XYLT1: variants seen among roughly 807,000 people sequenced by gnomAD.
XYLT1 encodes xylosyltransferase 1, also known as beta-D-xylosyltransferase 1.
XYLT1 carries 36 observed loss-of-function variants against 91.3 expected under a neutral mutation model. The observed-to-expected ratio is 0.39, with a 90% CI of 0.30 to 0.52. XYLT1 has a LOEUF of 0.52. Among genes scored for constraint, XYLT1 ranks in the 20% least tolerant of loss-of-function variants. XYLT1 has a pLI of 0.68. For synonymous variants in XYLT1, 588 were observed against 532.0 expected (o/e 1.11, Z -1.45); for missense variants, 1,242 against 1,284.5 (o/e 0.97, Z 0.51).
intron 2 of XYLT1, among the ~76,000 whole-genome samples, chr16:17,319,754 T>C (rs1206050485): frequency 6.6e-6 from 1 of 152,166 alleles, no homozygotes; most frequent in African/African-American, 2.4e-5. Flanking sequence ...GAACATCTCA[T>C]ATCAAGATAC....
intron 2 of XYLT1, among the ~76,000 whole-genome samples, chr16:17,322,909 G>A (rs1168179061): frequency 6.6e-6 from 1 of 152,198 alleles, no homozygotes; most frequent in Non-Finnish European, 1.5e-5. Flanking sequence ...CATGATGTTT[G>A]GCACAAAGGG....
chr16:17,234,317 C>T (rs1567334766), intron 3 of XYLT1, among the ~76,000 whole-genome samples: 1 of 152,178 alleles, frequency 6.6e-6, no homozygotes, highest in Non-Finnish European at 1.5e-5. Context: ...ATCATCCCTC[C>T]ATTTCAGCTC....
chr16:17,267,067 G>A (rs1243851805), intron 2 of XYLT1, among the ~76,000 whole-genome samples: 3 of 152,180 alleles, frequency 2.0e-5, no homozygotes, highest in African/African-American at 7.2e-5. Context: ...AAAGCCCTTT[G>A]CAATGTAGCA....
chr16:17,156,244 C>T (rs147022661), intron 6 of XYLT1, among the ~76,000 whole-genome samples: 111 of 152,362 alleles, frequency 7.3e-4, no homozygotes, highest in African/African-American at 2.5e-3. Context: ...GTTCCTAGCA[C>T]AGTGCCTGAC....
At position 17,108,393 on chromosome 16, in the gene XYLT1, G is replaced by A. The variant is rs931855866; in HGVS notation, c.*302C>T. ...AGAAAAGTCTGAAAATCACACGTCT[G>A]GGGTCAGGGGTGGGTCACTGGAAGG... On this transcript the variant is annotated 3_prime_UTR_variant, in exon 12 of 12. Transcript: ENST00000261381. The A allele has an allele frequency of 1.2e-5, 4 of 336,506 alleles. No individual in the cohort carries two copies. Among genetic ancestry groups the A allele is most frequent in the East Asian group, 4.6e-5 (1 of 21,574 alleles). 20.8% of individuals were successfully genotyped at this position (336,506 alleles called of 1,614,324 possible).
intron 3 of XYLT1, among the ~76,000 whole-genome samples, chr16:17,239,249 C>G (rs1042643777): frequency 6.6e-6 from 1 of 151,304 alleles, no homozygotes; most frequent in East Asian, 2.0e-4. Context: ...TCTCATTCAT[C>G]CATCCACTCA....
chr16:17,324,847 C>T (rs1472824525), intron 2 of XYLT1, among the ~76,000 whole-genome samples: 1 of 151,944 alleles, frequency 6.6e-6, no homozygotes, highest in Non-Finnish European at 1.5e-5. Flanking sequence ...ATAATGATTT[C>T]ACCGATCTTT....
intron 3 of XYLT1, among the ~76,000 whole-genome samples, chr16:17,232,443 A>G (rs2033178853): frequency 8.0e-6 from 1 of 124,698 alleles, no homozygotes; most frequent in Non-Finnish European, 1.7e-5. Context: ...ATATATATAT[A>G]TATATACATA....
chr16:17,109,924 C>T (rs559800661), intron 11 of XYLT1, among the ~76,000 whole-genome samples: 1 of 152,150 alleles, frequency 6.6e-6, no homozygotes, highest in Non-Finnish European at 1.5e-5. Flanking sequence ...AGAACAATCA[C>T]TCTGAAAGCA....
At position 17,154,229 on chromosome 16, in the gene XYLT1, C is replaced by T. The variant is rs1299271805; in HGVS notation, c.1370+4600G>A. On this transcript the variant is annotated intron_variant, in intron 6 of 11. Transcript: ENST00000261381. ...ATGGCCTGTCGAAGCCATTTGCTGA[C>T]ATCCCATGGCTGTGGTATAGAAGAG... 2.0e-5 allele frequency among the ~76,000 whole-genome samples: 3 copies of T among 152,220 alleles called. No homozygotes were observed. The East Asian group carries it at 5.8e-4, about 29-fold the overall frequency.
At chr16:17,292,061 T>C (rs1020237547) in intron 2 of XYLT1, among the ~76,000 whole-genome samples, 4 of 149,954 alleles carry the variant, frequency 2.7e-5, no homozygotes, top group African/African-American at 1.0e-4. Context: ...TAGCCGGGCA[T>C]GGTGGTGCCC....
chr16:17,421,477 A>C (rs1341228812), intron 1 of XYLT1, among the ~76,000 whole-genome samples: 1 of 152,176 alleles, frequency 6.6e-6, no homozygotes, highest in Non-Finnish European at 1.5e-5. Flanking sequence ...TGCCAGTTTT[A>C]AGTGTAGCCC....
intron 11 of XYLT1, among the ~76,000 whole-genome samples, chr16:17,113,555 G>A (rs1262092516): frequency 1.3e-5 from 2 of 152,016 alleles, no homozygotes; most frequent in East Asian, 3.9e-4. Flanking sequence ...TCTCTCTCTC[G>A]CTCTGGCCTC....
chr16:17,126,900 G>A, intron 10 of XYLT1, among the ~76,000 whole-genome samples: 1 of 152,214 alleles, frequency 6.6e-6, no homozygotes, highest in South Asian at 2.1e-4. Flanking sequence ...ACAGTGAAGA[G>A]GGAGACACAG....
chr16:17,233,981 G>A (rs1293778427), intron 3 of XYLT1, among the ~76,000 whole-genome samples: 1 of 152,154 alleles, frequency 6.6e-6, no homozygotes, highest in Non-Finnish European at 1.5e-5. Context: ...AAGGTTACTT[G>A]CTCTCCCTAA....
intron 3 of XYLT1, chr16:17,251,232 G>C (rs2033533809): frequency 1.3e-5 from 2 of 152,268 alleles, no homozygotes; most frequent in South Asian, 4.1e-4. Context: ...GATGGGTAAA[G>C]ACGGTTTGTT....
chr16:17,111,900 A>G (rs2141478330), intron 11 of XYLT1, among the ~76,000 whole-genome samples: 1 of 152,308 alleles, frequency 6.6e-6, no homozygotes, highest in East Asian at 1.9e-4. Flanking sequence ...TCTCTAATAC[A>G]GGGTAGGGTG....
intron 1 of XYLT1, among the ~76,000 whole-genome samples, chr16:17,359,236 A>T (rs2035348261): frequency 6.6e-6 from 1 of 152,218 alleles, no homozygotes; most frequent in Non-Finnish European, 1.5e-5. Context: ...GCCCTGAAGT[A>T]CACATCCAGT....
At chr16:17,307,887 C>T (rs2034490643) in intron 2 of XYLT1, among the ~76,000 whole-genome samples, 1 of 152,148 alleles carries the variant, frequency 6.6e-6, no homozygotes, top group Non-Finnish European at 1.5e-5. Context: ...GCACCACCTT[C>T]CTCTGCTGGG....
Sources: gnomAD v4.1 joint callset for allele counts (sites outside exome capture counted in the v4.1 genomes callset) on GRCh38, gnomAD v4.1.1 for gene constraint, MANE v1.5 for transcripts, NCBI Gene and HGNC (gene_info 2026-07-23, HGNC 2026-07-21) for gene names.